The following HYAL4 variants were observed in gnomAD, a reference collection of about 807,000 sequenced individuals.
HYAL4 encodes hyaluronidase-4.
A neutral mutation model predicts 35.2 loss-of-function variants in HYAL4; 37 were observed. The observed-to-expected ratio is 1.05, with a 90% confidence interval of 0.81 to 1.38. HYAL4 has a LOEUF of 1.38. Ranked by LOEUF, HYAL4 falls within the 40% of genes most tolerant of loss-of-function variation. The pLI is 0.00. For synonymous variants in HYAL4, 198 were observed against 203.2 expected, an observed-to-expected ratio of 0.97 and a Z score of 0.22; for missense variants, 572 against 572.4, an observed-to-expected ratio of 1.00 and a Z score of 0.01.
upstream of HYAL4, among the ~76,000 whole-genome samples, chr7:123,825,015 C>G (rs977846955): frequency 1.3e-5 from 2 of 152,130 alleles, no homozygotes; most frequent in African/African-American, 4.8e-5. Context: ...CTGATAATTT[C>G]TAGCCATTTA....
At chr7:123,843,276 A>G (rs1806105040), upstream of HYAL4, among the ~76,000 whole-genome samples, 1 of 152,068 alleles carries the variant, frequency 6.6e-6, no homozygotes, top group Admixed American at 6.5e-5. Flanking sequence ...TTGGCTGGAT[A>G]TGAAATTCTG....
At chr7:123,838,348 T>A (rs1254129731) in intron 1 of HYAL4, among the ~76,000 whole-genome samples, 2 of 151,770 alleles carry the variant, frequency 1.3e-5, no homozygotes, top group Non-Finnish European at 2.9e-5. Context: ...TCATGCCTGC[T>A]GAAATATTGC....
the HYAL4 span, among the ~76,000 whole-genome samples, chr7:123,779,747 T>C: frequency 1.9e-4 from 29 of 152,280 alleles, no homozygotes; most frequent in African/African-American, 6.7e-4. Context: ...TCAGATGTTA[T>C]AATTATTCAA....
chr7:123,795,210 A>G, the HYAL4 span, among the ~76,000 whole-genome samples: 1 of 152,198 alleles, frequency 6.6e-6, no homozygotes, highest in African/African-American at 2.4e-5. Context: ...CCCCCATTGT[A>G]TCTAGGAAGT....
chr7:123,875,052 A>G (rs535104423), intron 4 of HYAL4, among the ~76,000 whole-genome samples: 23 of 152,346 alleles, frequency 1.5e-4, no homozygotes, highest in South Asian at 1.0e-3. Context: ...ATGAATATTT[A>G]TGATGCGCTA....
At chr7:123,778,417 G>A in the HYAL4 span, among the ~76,000 whole-genome samples, 5 of 151,920 alleles carry the variant, frequency 3.3e-5, no homozygotes, top group African/African-American at 9.7e-5. Flanking sequence ...TCAAGATCAC[G>A]TCTTACATTT....
chr7:123,827,256 A>G (rs932715895), upstream of HYAL4, among the ~76,000 whole-genome samples: 3 of 152,118 alleles, frequency 2.0e-5, no homozygotes, highest in Non-Finnish European at 2.9e-5. Context: ...AGGAACATCT[A>G]GTGAGGTTGG....
At chr7:123,793,939 G>A in the HYAL4 span, among the ~76,000 whole-genome samples, 3 of 152,130 alleles carry the variant, frequency 2.0e-5, no homozygotes, top group South Asian at 6.2e-4. Flanking sequence ...GAAAAGTTTG[G>A]AACTTCCTAG....
chr7:123,776,280 G>A, the HYAL4 span, among the ~76,000 whole-genome samples: 1 of 152,158 alleles, frequency 6.6e-6, no homozygotes, highest in Non-Finnish European at 1.5e-5. Context: ...CAGGAAGTCT[G>A]AGGAAGCTTT....
chr7:123,802,953 C>T, the HYAL4 span, among the ~76,000 whole-genome samples: 1 of 152,204 alleles, frequency 6.6e-6, no homozygotes. Context: ...CACTAGGCTC[C>T]ATACACCTGA....
chr7:123,815,086 A>G, the HYAL4 span: 1 of 152,660 alleles, frequency 6.6e-6, no homozygotes, highest in Non-Finnish European at 1.5e-5. Context: ...TGGTAGAATA[A>G]CTATATAAAG....
At chr7:123,837,579 A>G (rs959631264) in intron 1 of HYAL4, among the ~76,000 whole-genome samples, 1 of 152,054 alleles carries the variant, frequency 6.6e-6, no homozygotes, top group African/African-American at 2.4e-5. Context: ...ACAACGTGCA[A>G]ATTAGTTACA....
chr7:123,875,931 G>C, intron 4 of HYAL4: 1 of 427,330 alleles, frequency 2.3e-6, no homozygotes, highest in Non-Finnish European at 4.7e-6. Context: ...GTCTCAATTT[G>C]TTGCTACTGA....
upstream of HYAL4, chr7:123,844,423 C>T (rs1039602452): frequency 1.9e-4 from 29 of 152,170 alleles, no homozygotes; most frequent in African/African-American, 6.3e-4. Context: ...AGAGGGCAGC[C>T]GCCTATATGA....
At chr7:123,830,281 A>G (rs938101020) in intron 1 of HYAL4, among the ~76,000 whole-genome samples, 6 of 152,210 alleles carry the variant, frequency 3.9e-5, no homozygotes, top group African/African-American at 7.2e-5. Context: ...TTCTAAAATA[A>G]AAAATCAAAA....
At chr7:123,814,514 T>C in the HYAL4 span, 7 of 152,686 alleles carry the variant, frequency 4.6e-5, no homozygotes, top group East Asian at 1.4e-3. Context: ...TTGGTGGAGA[T>C]CAGAAGAACT....
chr7:123,790,091 A>C, the HYAL4 span, among the ~76,000 whole-genome samples: 2 of 152,194 alleles, frequency 1.3e-5, no homozygotes, highest in Non-Finnish European at 2.9e-5. Context: ...GGGAAACCTC[A>C]GTCTTTTCTC....
At chr7:123,786,376 A>G in the HYAL4 span, among the ~76,000 whole-genome samples, 2 of 152,218 alleles carry the variant, frequency 1.3e-5, no homozygotes, top group Admixed American at 1.3e-4. Context: ...ACCTCCACAC[A>G]TACTATCCTT....
chr7:123,784,344 C>A, the HYAL4 span, among the ~76,000 whole-genome samples: 6 of 152,252 alleles, frequency 3.9e-5, no homozygotes, highest in South Asian at 1.2e-3. Flanking sequence ...TAATCTAGAA[C>A]TTTACATTTT....
Sources: gnomAD v4.1 joint callset for allele counts (sites outside exome capture counted in the v4.1 genomes callset) on GRCh38, gnomAD v4.1.1 for gene constraint, MANE v1.5 for transcripts, NCBI Gene and HGNC (gene_info 2026-07-23, HGNC 2026-07-21) for gene names.